Variants in TUBB8 observed in about 807,000 individuals in gnomAD.
TUBB8 encodes the protein tubulin beta 8 class VIII.
A neutral mutation model predicts 33.7 loss-of-function variants in TUBB8; 25 were observed. The observed-to-expected ratio is 0.74, with a 90% CI of 0.54 to 1.04. TUBB8 has a LOEUF of 1.04. Among genes scored for constraint, TUBB8 ranks in the 50% least tolerant of loss-of-function variants. The pLI is 0.00. For synonymous variants in TUBB8, 245 were observed against 240.1 expected (o/e 1.02, Z -0.19); for missense variants, 279 against 608.0 (o/e 0.46, Z 5.69).
chr10:71,126 G>A (rs1554742248), intron 1 of TUBB8, among the ~76,000 whole-genome samples: 1 of 151,862 alleles, frequency 6.6e-6, no homozygotes, highest in East Asian at 1.9e-4. Context: ...AGCCTTGCCA[G>A]CATGGTGAAA....
Position 49,224 on chromosome 10 carries a change from C to T in TUBB8, c.15G>A (p.Val5=), listed in dbSNP as rs1554739060. MREI[V]LTQIGQCGNQ... Reference sequence around the variant, plus strand: ...TCCCGCACTGCCCGATCTGCGTGAGCACGATCTCCCTCATGGCCAAGGCGG... The same window carrying T: ...TCCCGCACTGCCCGATCTGCGTGAGTACGATCTCCCTCATGGCCAAGGCGG... The change falls in exon 1 of 4, where the codon GTG becomes GTA. Residue 5 remains valine (V), a synonymous_variant. Coordinates refer to ENST00000568584, the MANE Select transcript of TUBB8 (RefSeq NM_177987.3). 1 of 1,585,298 alleles carries T rather than the reference C, an allele frequency of 6.3e-7. No homozygotes were observed. The highest frequency in any genetic ancestry group is 1.3e-5 in the African/African-American group (1 of 74,296).
chr10:51,710 T>C (rs1416687565), upstream of TUBB8, among the ~76,000 whole-genome samples: 2 of 132,286 alleles, frequency 1.5e-5, no homozygotes, highest in Non-Finnish European at 3.5e-5. Context: ...CAATAAGTCC[T>C]GACACTTTCA....
chr10:51,533 TC>T (rs1400052079), upstream of TUBB8, among the ~76,000 whole-genome samples: 1 of 152,212 alleles, frequency 6.6e-6, no homozygotes, highest in Non-Finnish European at 1.5e-5. Context: ...AAACCTCTTT[TC>T]TTTATAAATT....
At chr10:61,769 G>C (rs1367238370) in intron 1 of TUBB8, among the ~76,000 whole-genome samples, 1 of 152,100 alleles carries the variant, frequency 6.6e-6, no homozygotes, top group Non-Finnish European at 1.5e-5. Context: ...CATTTATCTA[G>C]GTGCTTTAGT....
At chr10:67,578 C>T (rs572056797) in intron 1 of TUBB8, among the ~76,000 whole-genome samples, 4 of 152,082 alleles carry the variant, frequency 2.6e-5, no homozygotes, top group African/African-American at 9.7e-5. Context: ...GCGCATGCCA[C>T]GATCCCTGGC....
At chr10:48,529 G>A (rs782054793) in intron 3 of TUBB8, 86 bp downstream of exon 3, 1 of 1,326,486 alleles carries the variant, frequency 7.5e-7, no homozygotes, top group East Asian at 2.3e-5. Context: ...TAGCTCCACA[G>A]TTCCCAGAGG....
chr10:66,828 C>G (rs1253104855), intron 1 of TUBB8, among the ~76,000 whole-genome samples: 1 of 152,064 alleles, frequency 6.6e-6, no homozygotes, highest in East Asian at 1.9e-4. Flanking sequence ...AAAAAATTAG[C>G]CAGATGTGCT....
chr10:48,906 C>T lies in TUBB8; in HGVS notation c.64G>A (p.Glu22Lys), dbSNP rs1554738917. 1 of 1,536,536 alleles carries T rather than the reference C, an allele frequency of 6.5e-7. No individual in the cohort carries two copies. The highest frequency in any genetic ancestry group is 1.2e-5 in the South Asian group (1 of 84,736). Reference sequence around the variant, plus strand: ...ATGGCATGTTCATCAGAGATCACCTCCCAGAACTGCAAGAGACGGGAGGAG... The same window carrying T: ...ATGGCATGTTCATCAGAGATCACCTTCCAGAACTGCAAGAGACGGGAGGAG... ...CGNQIGAKFW[E>K]VISDEHAIDS... Residue 22 changes from glutamate to lysine, a missense_variant, in exon 2 of 4, where the codon GAG (glutamate) becomes AAG (lysine). Transcript: ENST00000568584.
At chr10:52,659 C>A (rs1382471851), upstream of TUBB8, among the ~76,000 whole-genome samples, 1 of 152,212 alleles carries the variant, frequency 6.6e-6, no homozygotes, top group Non-Finnish European at 1.5e-5. Flanking sequence ...TTAATATTAT[C>A]TTTAACAAAA....
intron 1 of TUBB8, among the ~76,000 whole-genome samples, chr10:66,860 C>G (rs548061858): frequency 6.6e-6 from 1 of 151,850 alleles, no homozygotes; most frequent in Non-Finnish European, 1.5e-5. Flanking sequence ...GTAGCCCCAG[C>G]TACTTGGGAG....
chr10:76,091 A>G (rs1168116653), upstream of TUBB8, among the ~76,000 whole-genome samples: 1 of 146,538 alleles, frequency 6.8e-6, no homozygotes, highest in Non-Finnish European at 1.5e-5. Context: ...GTGAGCCGAG[A>G]TCGTGCCATT....
intron 1 of TUBB8, among the ~76,000 whole-genome samples, chr10:57,465 T>C (rs569422742): frequency 1.3e-4 from 20 of 152,372 alleles, no homozygotes; most frequent in African/African-American, 4.3e-4. Flanking sequence ...ACCCTGGCTT[T>C]TTTATACATT....
chr10:55,736 C>T (rs530721205), intron 1 of TUBB8, among the ~76,000 whole-genome samples: 85 of 152,348 alleles, frequency 5.6e-4, no homozygotes, highest in Admixed American at 2.1e-3. Context: ...CTATTTATTA[C>T]AGAAACTGTC....
chr10:47,894 T>C lies in TUBB8; in HGVS notation c.498A>G (p.Thr166=). 1.2e-6 allele frequency: 2 copies of C among 1,613,552 alleles called. No homozygotes were observed. Among genetic ancestry groups the C allele is most frequent in the Non-Finnish European group, 1.7e-6 (2 of 1,180,028 alleles). The change falls in exon 4 of 4, where the codon ACA becomes ACG. Residue 166 remains threonine, a synonymous_variant. Coordinates refer to ENST00000568584, the MANE Select transcript of TUBB8 (RefSeq NM_177987.3). Reference sequence around the variant, plus strand: ...CCTTGGGCGAGGGCAGGATGCTGAATGTGTTTATGATCCTGTCTGGGTACT... The same window carrying C: ...CCTTGGGCGAGGGCAGGATGCTGAACGTGTTTATGATCCTGTCTGGGTACT... ...REEYPDRIIN[T]FSILPSPKVS...
chr10:63,597 T>C (rs868967759), intron 1 of TUBB8, among the ~76,000 whole-genome samples: 25 of 152,362 alleles, frequency 1.6e-4, no homozygotes, highest in South Asian at 4.1e-4. Context: ...CATTCTTCAG[T>C]ATGATAATTG....
intron 1 of TUBB8, among the ~76,000 whole-genome samples, chr10:61,823 G>T (rs1554740901): frequency 6.6e-6 from 1 of 152,088 alleles, no homozygotes. Flanking sequence ...TTCAAGAATT[G>T]ATCTCTTTAT....
chr10:64,998 AAT>A (rs1400333441), intron 1 of TUBB8, among the ~76,000 whole-genome samples: 1,095 of 139,898 alleles, frequency 7.8e-3, no homozygotes, highest in African/African-American at 0.027. Flanking sequence ...AAAAAAAAAA[AAT>A]AGTTGGGCAT....
At chr10:58,325 C>T (rs1200685344) in intron 1 of TUBB8, among the ~76,000 whole-genome samples, 4 of 152,240 alleles carry the variant, frequency 2.6e-5, no homozygotes, top group Non-Finnish European at 5.9e-5. Context: ...CAAACTCTTC[C>T]AACCTCTGCC....
chr10:68,933 A>G (rs1292841218), intron 1 of TUBB8, among the ~76,000 whole-genome samples: 1 of 152,174 alleles, frequency 6.6e-6, no homozygotes, highest in Non-Finnish European at 1.5e-5. Context: ...GTTGGCAGAT[A>G]ACTCCCAGCT....
Sources: allele counts gnomAD v4.1 joint callset (sites outside exome capture counted in the v4.1 genomes callset), GRCh38; gene constraint gnomAD v4.1.1; transcripts MANE v1.5; gene names NCBI Gene and HGNC (gene_info 2026-07-23, HGNC 2026-07-21).